Variants in UNC80 observed in about 807,000 individuals in gnomAD.
The protein encoded by UNC80 is protein unc-80 homolog.
In UNC80, 164 loss-of-function variants were observed where a neutral mutation model predicts 384.6. The observed-to-expected ratio is 0.43, with a 90% CI of 0.38 to 0.49. The LOEUF is 0.49. Ranked by LOEUF, UNC80 falls within the 20% of genes least tolerant of loss-of-function variation. The pLI is 0.00. For synonymous variants in UNC80, 1,486 were observed against 1,527.8 expected (o/e 0.97, Z 0.64); for missense variants, 3,330 against 4,143.0 (o/e 0.80, Z 5.39).
Position 209,819,096 on chromosome 2 carries a change from C to T in UNC80, c.1797C>T (p.Leu599=), listed in dbSNP as rs2079955133. ...TTTTCAATGAGCATATGAGGAAACT[C>T]TGCAACCAGGTGCCTATCCCGGAGA... ...ADFFNEHMRK[L]CNQVPIPEMP... The change falls in exon 12 of 65, where the codon CTC becomes CTT. Residue 599 remains leucine, a synonymous_variant. Coordinates refer to ENST00000673920, the MANE Select transcript of UNC80 (RefSeq NM_001371986.1). 6.4e-7 allele frequency: 1 copy of T among 1,552,056 alleles called. No individual in the cohort carries two copies. The highest frequency in any genetic ancestry group is 1.4e-5 in the African/African-American group (1 of 73,054).
At chr2:209,884,233 T>G (rs1375643700) in intron 25 of UNC80, among the ~76,000 whole-genome samples, 1 of 152,218 alleles carries the variant, frequency 6.6e-6, no homozygotes, top group Non-Finnish European at 1.5e-5. Context: ...CTAAAATGTT[T>G]CCCAGTTGAA....
At chr2:209,983,990 T>G (rs1286000021) in intron 60 of UNC80, among the ~76,000 whole-genome samples, 2 of 152,156 alleles carry the variant, frequency 1.3e-5, no homozygotes, top group African/African-American at 4.8e-5. Context: ...CTCAATTCTT[T>G]GGGGCCAGGC....
intron 28 of UNC80, among the ~76,000 whole-genome samples, chr2:209,897,874 T>G (rs1014802534): frequency 6.6e-6 from 1 of 152,206 alleles, no homozygotes; most frequent in Non-Finnish European, 1.5e-5. Context: ...GGGAGAGTTT[T>G]AAATTACAGA....
intron 59 of UNC80, among the ~76,000 whole-genome samples, chr2:209,980,570 T>C (rs187045503): frequency 6.6e-6 from 1 of 152,316 alleles, no homozygotes; most frequent in Non-Finnish European, 1.5e-5. Flanking sequence ...GTAATTTAAA[T>C]AGGGAGGGGT....
At chr2:209,934,457 G>A (rs1418650534) in intron 39 of UNC80, among the ~76,000 whole-genome samples, 1 of 152,170 alleles carries the variant, frequency 6.6e-6, no homozygotes, top group Non-Finnish European at 1.5e-5. Flanking sequence ...AACATGAAGC[G>A]TGATGTAAAC....
chr2:209,850,889 T>C (rs985912880), intron 22 of UNC80, among the ~76,000 whole-genome samples: 9 of 152,172 alleles, frequency 5.9e-5, no homozygotes, highest in African/African-American at 2.2e-4. Flanking sequence ...CAATCCCCTG[T>C]TTTCTAGGTG....
chr2:209,946,187 C>T (rs960577999), intron 47 of UNC80, among the ~76,000 whole-genome samples: 4 of 151,600 alleles, frequency 2.6e-5, no homozygotes, highest in African/African-American at 9.7e-5. Flanking sequence ...ATAGTGAGAC[C>T]CTGTCTCTAC....
intron 13 of UNC80, among the ~76,000 whole-genome samples, chr2:209,824,539 A>C (rs1013433014): frequency 6.6e-6 from 1 of 152,124 alleles, no homozygotes; most frequent in African/African-American, 2.4e-5. Context: ...TTAGAGGTAG[A>C]CTGCCTCCAG....
At chr2:209,945,769 A>G (rs2091888069) in intron 46 of UNC80, 78 bp from the exon 47 acceptor site, 1 of 880,610 alleles carries the variant, frequency 1.1e-6, no homozygotes, top group Non-Finnish European at 1.8e-6. Context: ...TGGAATGATA[A>G]CATTAGGAGT....
intron 4 of UNC80, among the ~76,000 whole-genome samples, chr2:209,777,855 T>C (rs997818152): frequency 2.0e-4 from 31 of 152,192 alleles, no homozygotes; most frequent in Admixed American, 9.8e-4. Flanking sequence ...AATTGCTTTC[T>C]TGATTTATAG....
chr2:209,839,497 T>C lies in UNC80; in HGVS notation c.3250+67T>C. ...CAACCATGTCCTCAGATCAACTCAG[T>C]GATGCATAGTAGGGCCGAAAAAGAA... On this transcript the variant is annotated intron_variant, in intron 19 of 64. Coordinates refer to ENST00000673920, the MANE Select transcript of UNC80 (RefSeq NM_001371986.1). This position sits in a 1 kb window ranked among gnomAD's most constrained non-coding sequence, Gnocchi z 4.1. 1 of 1,508,004 alleles carries C rather than the reference T, an allele frequency of 6.6e-7. No homozygotes were observed. The highest frequency in any genetic ancestry group is 9.0e-7 in the Non-Finnish European group (1 of 1,109,546). The allele number at this position is 1,508,004 out of a possible 1,614,324, so 93.4% of individuals were successfully genotyped here. A position where few individuals can be genotyped will look rare whatever the true frequency, so the allele number is the denominator to read the frequency against.
At chr2:209,887,888 A>G (rs2085973655) in intron 25 of UNC80, among the ~76,000 whole-genome samples, 1 of 152,200 alleles carries the variant, frequency 6.6e-6, no homozygotes, top group South Asian at 2.1e-4. Flanking sequence ...GGAAAAGGGG[A>G]AAAATACTAT....
At chr2:209,863,371 T>C (rs894040000) in intron 22 of UNC80, among the ~76,000 whole-genome samples, 1 of 152,166 alleles carries the variant, frequency 6.6e-6, no homozygotes, top group African/African-American at 2.4e-5. Flanking sequence ...TGAATTTGCA[T>C]GTTGGCCTGT....
At chr2:209,799,704 G>T (rs912187428) in intron 7 of UNC80, among the ~76,000 whole-genome samples, 1 of 152,086 alleles carries the variant, frequency 6.6e-6, no homozygotes, top group Middle Eastern at 3.2e-3. Context: ...TATTGGCTAT[G>T]GTTTGTCATA....
At chr2:209,959,347 G>A (rs2092517465) in intron 50 of UNC80, 142 bp from the exon 51 acceptor site, 1 of 1,074,582 alleles carries the variant, frequency 9.3e-7, no homozygotes, top group Admixed American at 2.5e-5. Flanking sequence ...TTATCCTTCG[G>A]ATGAGGTTCT....
At chr2:209,901,019 T>A (rs1051341681) in intron 28 of UNC80, among the ~76,000 whole-genome samples, 1 of 152,126 alleles carries the variant, frequency 6.6e-6, no homozygotes, top group African/African-American at 2.4e-5. Flanking sequence ...AAAGAAGCCA[T>A]CTCCATAACA....
At position 209,995,595 on chromosome 2, in the gene UNC80, ATT is replaced by A; in HGVS notation, c.*1_*2del. Reference sequence around the variant, plus strand: ...CAGTATTAGATGAGTCTCATGTTTAATTCTGTATCTTGTAAGCTCTGCAGGTA... The same window carrying A: ...CAGTATTAGATGAGTCTCATGTTTAACTGTATCTTGTAAGCTCTGCAGGTA... On this transcript the variant is annotated 3_prime_UTR_variant, in exon 65 of 65. Coordinates refer to ENST00000673920, the MANE Select transcript of UNC80 (RefSeq NM_001371986.1). 1 of 1,551,872 alleles carries A rather than the reference ATT, an allele frequency of 6.4e-7. No individual in the cohort carries two copies. Among genetic ancestry groups the A allele is most frequent in the Non-Finnish European group, 8.7e-7 (1 of 1,146,950 alleles).
chr2:209,815,419 T>C, intron 9 of UNC80, 28 bp downstream of exon 9: 1 of 1,540,720 alleles, frequency 6.5e-7, no homozygotes, highest in Non-Finnish European at 8.8e-7. Context: ...TGCTCTTTGA[T>C]ATTTTGGTAA....
Position 209,802,673 on chromosome 2 carries a change from A to AT in UNC80, c.938+8822dup, listed in dbSNP as rs574347724. On this transcript the variant is annotated intron_variant, in intron 7 of 64. Transcript: ENST00000673920. ...TGTAGTTTCTGTCTATGGTTCTTGCATTTTTTTTAACTTCTCTGTAACACA... is the reference window on the plus strand; with the variant it reads ...TGTAGTTTCTGTCTATGGTTCTTGCATTTTTTTTTAACTTCTCTGTAACACA... Among the ~76,000 whole-genome samples, 280 of 150,774 alleles carry AT rather than the reference A, an allele frequency of 1.9e-3. 1 individual carries two copies. The highest frequency in any genetic ancestry group is 3.4e-3 in the Middle Eastern group (1 of 292).
Sources: gnomAD v4.1 joint callset for allele counts (sites outside exome capture counted in the v4.1 genomes callset) on GRCh38, gnomAD v4.1.1 for gene constraint, Gnocchi (gnomAD v3.1) non-coding constraint, MANE v1.5 for transcripts, NCBI Gene and HGNC (gene_info 2026-07-23, HGNC 2026-07-21) for gene names.